CADPS: variants seen among roughly 807,000 people sequenced by gnomAD.
CADPS encodes calcium dependent secretion activator.
A neutral mutation model predicts 167.3 loss-of-function variants in CADPS; 57 were observed. The observed-to-expected ratio is 0.34, with a 90% confidence interval of 0.28 to 0.42. The LOEUF (loss-of-function observed/expected upper bound fraction) is 0.42, where lower values mean the gene tolerates loss of function less well. CADPS is among the 20% of genes least tolerant of loss of function. CADPS has a pLI of 1.00. For synonymous variants in CADPS, 676 were observed against 635.3 expected (o/e 1.06, Z -0.96); for missense variants, 1,414 against 1,738.1 (o/e 0.81, Z 3.32).
At position 62,791,195 on chromosome 3, in the gene CADPS, T is replaced by C. The variant is rs180939602; in HGVS notation, c.442-25211A>G. On this transcript the variant is annotated intron_variant, in intron 1 of 29. Coordinates refer to ENST00000383710, the MANE Select transcript of CADPS (RefSeq NM_003716.4). ...ATACACACTGAATATTCTATAGCAG[T>C]ATAGTGCAATGGGACTTTTTGGAAT... Among the ~76,000 whole-genome samples the C allele has an allele frequency of 2.6e-5, 4 of 152,344 alleles. No individual in the cohort carries two copies. In the East Asian group the frequency reaches 7.7e-4, roughly 29 times the overall value.
chr3:62,557,862 T>C lies in CADPS; in HGVS notation c.1645-349A>G, dbSNP rs541256381. 8.5e-5 allele frequency among the ~76,000 whole-genome samples: 13 copies of C among 152,304 alleles called. No individual in the cohort carries two copies. The South Asian group carries it at 1.9e-3, about 22-fold the overall frequency. On this transcript the variant is annotated intron_variant, in intron 9 of 29. Transcript: ENST00000383710. ...TTTAATATAATTGGGTTAAGCTACA[T>C]GTGACTGCCATTTTTGTAGGTCAAA...
chr3:62,717,842 C>G (rs2151924201), intron 3 of CADPS, among the ~76,000 whole-genome samples: 1 of 152,268 alleles, frequency 6.6e-6, no homozygotes, highest in East Asian at 1.9e-4. Flanking sequence ...CTGATTGACC[C>G]CATTAGATCC....
At chr3:62,447,313 T>G (rs2149990550) in intron 26 of CADPS, among the ~76,000 whole-genome samples, 1 of 152,306 alleles carries the variant, frequency 6.6e-6, no homozygotes, top group South Asian at 2.1e-4. Flanking sequence ...ATTAGGTAAT[T>G]ATCGAGAGGG....
chr3:62,823,828 T>C (rs2073477299), intron 1 of CADPS, among the ~76,000 whole-genome samples: 1 of 152,166 alleles, frequency 6.6e-6, no homozygotes, highest in Admixed American at 6.6e-5. Flanking sequence ...CTGGTTGCCT[T>C]TCCTGGGAAT....
chr3:62,523,569 G>A (rs1322549702), intron 13 of CADPS, among the ~76,000 whole-genome samples: 2 of 152,162 alleles, frequency 1.3e-5, no homozygotes, highest in African/African-American at 4.8e-5. Context: ...AAGGTAAGAT[G>A]TCTCTTCAAG....
chr3:62,553,327 T>C (rs1319860535), intron 10 of CADPS, among the ~76,000 whole-genome samples: 5 of 152,170 alleles, frequency 3.3e-5, no homozygotes, highest in African/African-American at 1.2e-4. Context: ...CCAGGAAGTT[T>C]TTATATTTTT....
intron 1 of CADPS, among the ~76,000 whole-genome samples, chr3:62,830,901 T>G (rs1303705970): frequency 6.6e-6 from 1 of 152,166 alleles, no homozygotes; most frequent in African/African-American, 2.4e-5. Flanking sequence ...CTCATGCAAA[T>G]TGTGGACTTT....
intron 6 of CADPS, among the ~76,000 whole-genome samples, chr3:62,606,416 G>C (rs1422186146): frequency 1.3e-5 from 2 of 152,116 alleles, no homozygotes; most frequent in Non-Finnish European, 2.9e-5. Flanking sequence ...AAGAGGAAAA[G>C]AGACCTGACC....
At chr3:62,807,127 T>C (rs2094141169) in intron 1 of CADPS, among the ~76,000 whole-genome samples, 1 of 152,188 alleles carries the variant, frequency 6.6e-6, no homozygotes. Context: ...GACCCTGCCA[T>C]TTCAATGCCA....
intron 13 of CADPS, among the ~76,000 whole-genome samples, chr3:62,522,037 G>A (rs1026250240): frequency 6.6e-6 from 1 of 152,104 alleles, no homozygotes; most frequent in Non-Finnish European, 1.5e-5. Flanking sequence ...GTCCTTACAG[G>A]TCAGTAGTTT....
intron 3 of CADPS, among the ~76,000 whole-genome samples, chr3:62,720,848 C>T (rs1291080578): frequency 2.7e-5 from 4 of 145,850 alleles, no homozygotes; most frequent in African/African-American, 1.0e-4. Flanking sequence ...GGCAGAGTCT[C>T]GCTCTGTCAC....
intron 6 of CADPS, among the ~76,000 whole-genome samples, chr3:62,638,301 T>A (rs1399711659): frequency 6.6e-6 from 1 of 152,090 alleles, no homozygotes; most frequent in African/African-American, 2.4e-5. Context: ...GGATTTAGAA[T>A]TTCCCCCTCA....
At chr3:62,552,941 C>T (rs531142404) in intron 10 of CADPS, among the ~76,000 whole-genome samples, 2 of 152,028 alleles carry the variant, frequency 1.3e-5, no homozygotes, top group South Asian at 4.2e-4. Context: ...ATCTGATGAA[C>T]CTAATGAATA....
chr3:62,556,634 C>A (rs548384553), intron 10 of CADPS, among the ~76,000 whole-genome samples: 2 of 152,008 alleles, frequency 1.3e-5, no homozygotes, highest in Non-Finnish European at 2.9e-5. Flanking sequence ...TGATTTCGCA[C>A]CCCCCTCCCA....
At chr3:62,407,135 ACATCAT>A (rs79885636) in intron 28 of CADPS, among the ~76,000 whole-genome samples, 9 of 151,114 alleles carry the variant, frequency 6.0e-5, no homozygotes, top group African/African-American at 1.5e-4. Flanking sequence ...ACTGCAATCA[ACATCAT>A]CATCATCATC....
chr3:62,627,893 A>G (rs1208912897), intron 6 of CADPS, among the ~76,000 whole-genome samples: 2 of 152,140 alleles, frequency 1.3e-5, no homozygotes, highest in African/African-American at 4.8e-5. Flanking sequence ...AGTATATTCA[A>G]CCTCAAACTG....
chr3:62,845,679 T>C (rs2153068209), intron 1 of CADPS, among the ~76,000 whole-genome samples: 1 of 152,326 alleles, frequency 6.6e-6, no homozygotes, highest in African/African-American at 2.4e-5. Context: ...AATCTATCAA[T>C]TTATCTTTCT....
intron 28 of CADPS, chr3:62,404,139 C>G (rs933579776): frequency 2.6e-5 from 4 of 152,020 alleles, no homozygotes; most frequent in African/African-American, 9.7e-5. Context: ...GCCGCTTATA[C>G]CAAACAATTT....
At chr3:62,491,142 C>G (rs1036434940) in intron 21 of CADPS, among the ~76,000 whole-genome samples, 197 bp downstream of exon 21, 14 of 152,182 alleles carry the variant, frequency 9.2e-5, no homozygotes, top group Non-Finnish European at 2.9e-5. Context: ...TCTTCCCCTA[C>G]CCTACCCACC....
Sources: gnomAD v4.1 joint callset for allele counts (sites outside exome capture counted in the v4.1 genomes callset) on GRCh38, gnomAD v4.1.1 for gene constraint, MANE v1.5 for transcripts, NCBI Gene and HGNC (gene_info 2026-07-23, HGNC 2026-07-21) for gene names.